Variants in BCAT1 observed in about 807,000 individuals in gnomAD.
BCAT1 encodes branched chain amino acid transaminase 1.
Under a neutral mutation model 52.4 loss-of-function variants are expected in BCAT1, and 48 were observed. The observed-to-expected ratio is 0.92, with a 90% CI of 0.73 to 1.16. The LOEUF (loss-of-function observed/expected upper bound fraction) is 1.16, where lower values mean the gene tolerates loss of function less well. Among genes scored for constraint, BCAT1 ranks in the 50% most tolerant of loss-of-function variants. The pLI is 0.00. For synonymous variants in BCAT1, 167 were observed against 161.3 expected (o/e 1.04, Z -0.27); for missense variants, 451 against 457.1 (o/e 0.99, Z 0.12).
chr12:24,948,720 G>C (rs906857488), intron 1 of BCAT1, among the ~76,000 whole-genome samples: 1 of 152,188 alleles, frequency 6.6e-6, no homozygotes, highest in Non-Finnish European at 1.5e-5. Flanking sequence ...CACGTCCTGC[G>C]AGTGGAGGTT....
At chr12:24,934,271 G>A (rs1943721743) in intron 1 of BCAT1, among the ~76,000 whole-genome samples, 2 of 152,198 alleles carry the variant, frequency 1.3e-5, no homozygotes, top group South Asian at 4.1e-4. Flanking sequence ...CATGTAAGAT[G>A]TGCCTTGCTT....
At chr12:24,844,678 ATGAGGTCAGGAGAT>A (rs1941282044) in intron 6 of BCAT1, among the ~76,000 whole-genome samples, 2 of 148,302 alleles carry the variant, frequency 1.3e-5, no homozygotes, top group African/African-American at 5.0e-5. Context: ...CGGCCGGATC[ATGAGGTCAGGAGAT>A]TGAGACCATC....
intron 1 of BCAT1, chr12:24,902,833 A>G: frequency 7.1e-7 from 1 of 1,399,370 alleles, no homozygotes; most frequent in Non-Finnish European, 9.5e-7. Flanking sequence ...ATGGAGGGCA[A>G]GGCGAAGGAG....
chr12:24,818,176 T>TG, intron 10 of BCAT1, 127 bp from the exon 11 acceptor site: 1 of 847,104 alleles, frequency 1.2e-6, no homozygotes, highest in Non-Finnish European at 1.9e-6. Context: ...CATTTTCACA[T>TG]TAAACATGTT....
In BCAT1 at chr12:24,889,969, A is replaced by G. The variant is rs115218381; in HGVS notation, c.279+4306T>C. ...GAGCTTCCGGATAGCAGAACACATG[A>G]AGGTTCCTAAAGGGTGGCACACCCC... On this transcript the variant is annotated intron_variant, in intron 3 of 10. Coordinates refer to ENST00000261192, the MANE Select transcript of BCAT1 (RefSeq NM_005504.7). 7.5e-3 allele frequency among the ~76,000 whole-genome samples: 1,144 copies of G among 152,290 alleles called. 9 individuals are homozygous for G. The highest frequency in any genetic ancestry group is 0.027 in the African/African-American group (1,106 of 41,564).
intron 10 of BCAT1, among the ~76,000 whole-genome samples, chr12:24,819,406 G>T (rs1378220059): frequency 1.3e-5 from 2 of 152,182 alleles, no homozygotes; most frequent in Non-Finnish European, 2.9e-5. Context: ...AAAGGTAGGA[G>T]ATGACTCAAA....
At chr12:24,933,117 T>C (rs1943701000) in intron 1 of BCAT1, among the ~76,000 whole-genome samples, 1 of 129,832 alleles carries the variant, frequency 7.7e-6, no homozygotes, top group African/African-American at 2.9e-5. Flanking sequence ...GCCTTTTTTT[T>C]TTTTTTTTTT....
chr12:24,922,738 C>T (rs766236771), intron 1 of BCAT1, among the ~76,000 whole-genome samples: 5 of 151,840 alleles, frequency 3.3e-5, no homozygotes, highest in South Asian at 2.1e-4. Flanking sequence ...GGTGTGGCAG[C>T]GCGCGCCTGT....
intron 1 of BCAT1, among the ~76,000 whole-genome samples, chr12:24,924,656 TA>T (rs767734123): frequency 5.9e-5 from 9 of 151,524 alleles, no homozygotes; most frequent in African/African-American, 2.2e-4. Flanking sequence ...ACAATGTCAT[TA>T]AAAAAAATAG....
At chr12:24,834,036 T>C in intron 8 of BCAT1, 1 of 484,720 alleles carries the variant, frequency 2.1e-6, no homozygotes, top group Non-Finnish European at 2.7e-6. Flanking sequence ...CTCCCTATGT[T>C]GCCCAGGCTG....
intron 1 of BCAT1, among the ~76,000 whole-genome samples, chr12:24,933,134 TTTTTTTG>T (rs1943701448): frequency 1.4e-5 from 2 of 140,138 alleles, no homozygotes; most frequent in East Asian, 2.1e-4. Context: ...TTTTTTTTTT[TTTTTTTG>T]TATTTTAAGC....
chr12:24,849,626 A>G (rs536150597), intron 6 of BCAT1, among the ~76,000 whole-genome samples, 160 bp downstream of exon 6: 22 of 152,302 alleles, frequency 1.4e-4, no homozygotes, highest in Admixed American at 3.3e-4. Flanking sequence ...AAAAGCTACT[A>G]CAGCTGGCTT....
chr12:24,902,784 A>C (rs911170280), intron 1 of BCAT1: 1 of 1,028,444 alleles, frequency 9.7e-7, no homozygotes, highest in African/African-American at 1.7e-5. Context: ...GATTTCGGGC[A>C]GGGATGCGGG....
chr12:24,840,702 C>T (rs1391496992), intron 7 of BCAT1, among the ~76,000 whole-genome samples: 2 of 152,298 alleles, frequency 1.3e-5, no homozygotes, highest in Non-Finnish European at 2.9e-5. Flanking sequence ...TAGTACTTAG[C>T]TCTGAATTCA....
intron 6 of BCAT1, among the ~76,000 whole-genome samples, chr12:24,846,414 A>G (rs73079552): frequency 0.12 from 17,794 of 152,252 alleles, 1,132 homozygotes; most frequent in East Asian, 0.17. Flanking sequence ...TTCATAAGAG[A>G]AACATGTTCT....
intron 1 of BCAT1, among the ~76,000 whole-genome samples, chr12:24,916,584 G>T (rs1402033396): frequency 6.6e-6 from 1 of 152,142 alleles, no homozygotes; most frequent in Admixed American, 6.5e-5. Context: ...TTGTCCCCTA[G>T]GCTGGAGCGC....
At chr12:24,885,807 G>A (rs1358864599) in intron 3 of BCAT1, among the ~76,000 whole-genome samples, 1 of 152,170 alleles carries the variant, frequency 6.6e-6, no homozygotes, top group East Asian at 1.9e-4. Context: ...TTTAAATGGT[G>A]CTGGGAAAAC....
intron 6 of BCAT1, among the ~76,000 whole-genome samples, chr12:24,844,617 G>C (rs1235583241): frequency 1.3e-5 from 2 of 151,812 alleles, no homozygotes; most frequent in African/African-American, 4.8e-5. Context: ...TCCTTAAAAG[G>C]GCCAGGCGCG....
intron 5 of BCAT1, among the ~76,000 whole-genome samples, chr12:24,874,345 G>T (rs993477389): frequency 2.3e-4 from 35 of 151,926 alleles, no homozygotes; most frequent in African/African-American, 8.2e-4. Context: ...AAAAATGAAG[G>T]ATCAGTTAAT....
Sources: allele counts gnomAD v4.1 joint callset (sites outside exome capture counted in the v4.1 genomes callset), GRCh38; gene constraint gnomAD v4.1.1; transcripts MANE v1.5; gene names NCBI Gene and HGNC (gene_info 2026-07-23, HGNC 2026-07-21).